COL11A1: variants seen among roughly 807,000 people sequenced by gnomAD.
COL11A1 encodes the protein collagen alpha-1(XI) chain.
A neutral mutation model predicts 265.2 loss-of-function variants in COL11A1; 74 were observed. The observed-to-expected ratio is 0.28, with a 90% confidence interval of 0.23 to 0.34. The LOEUF (loss-of-function observed/expected upper bound fraction) is 0.34. Ranked by LOEUF, COL11A1 falls within the 10% of genes least tolerant of loss-of-function variation. The pLI is 1.00. For synonymous variants in COL11A1, 816 were observed against 727.6 expected (o/e 1.12, Z -1.96); for missense variants, 2,165 against 2,263.6 (o/e 0.96, Z 0.88).
At chr1:103,045,640 T>C (rs1421400764) in intron 4 of COL11A1, among the ~76,000 whole-genome samples, 6 of 152,120 alleles carry the variant, frequency 3.9e-5, no homozygotes, top group Non-Finnish European at 5.9e-5. Flanking sequence ...TATTATACTT[T>C]AAGTTTTAGG....
chr1:102,932,817 C>T (rs1657644106), intron 46 of COL11A1, among the ~76,000 whole-genome samples: 1 of 151,906 alleles, frequency 6.6e-6, no homozygotes, highest in East Asian at 1.9e-4. Flanking sequence ...CTCTAAACTT[C>T]CCTTCTTGCT....
chr1:103,018,029 A>AAAGAC (rs1666704706), intron 10 of COL11A1, 147 bp from the exon 11 acceptor site: 1 of 743,826 alleles, frequency 1.3e-6, no homozygotes, highest in African/African-American at 1.8e-5. Flanking sequence ...CTTCCTGTGA[A>AAAGAC]AAGACAACAT....
At position 103,092,343 on chromosome 1, in the gene COL11A1, GA is replaced by G. The variant is rs200733179; in HGVS notation, c.107-9372del. Among the ~76,000 whole-genome samples the G allele has an allele frequency of 6.7e-3, 1,020 of 152,136 alleles. 9 individuals are homozygous for G. The highest frequency in any genetic ancestry group is 0.024 in the African/African-American group (978 of 41,532). ...AGGCTAAAAATATCAAAAACATTAA[GA>G]AAAAGTTAAGTATGTCATGAATGCA... is the stretch of plus-strand genomic sequence containing the variant. On this transcript the variant is annotated intron_variant, in intron 1 of 66. Coordinates refer to ENST00000370096, the MANE Select transcript of COL11A1 (RefSeq NM_001854.4).
chr1:102,988,361 T>C (rs1427580310), intron 29 of COL11A1, among the ~76,000 whole-genome samples: 1 of 152,172 alleles, frequency 6.6e-6, no homozygotes, highest in African/African-American at 2.4e-5. Context: ...CTCCAAATTT[T>C]TGTGGAGGCT....
At chr1:102,890,741 G>T (rs1651664618) in intron 57 of COL11A1, among the ~76,000 whole-genome samples, 1 of 152,024 alleles carries the variant, frequency 6.6e-6, no homozygotes, top group Admixed American at 6.6e-5. Flanking sequence ...GTTAGAAATA[G>T]AACATGGTTA....
chr1:102,946,204 C>T (rs1244107788), intron 42 of COL11A1, among the ~76,000 whole-genome samples: 18 of 138,954 alleles, frequency 1.3e-4, no homozygotes, highest in Non-Finnish European at 1.1e-4. Context: ...GGAGGGATAG[C>T]ATTAGGAGAT....
At chr1:103,042,811 C>T (rs949532505) in intron 4 of COL11A1, among the ~76,000 whole-genome samples, 5 of 151,622 alleles carry the variant, frequency 3.3e-5, no homozygotes. Context: ...CTGAAACTAC[C>T]TGAAGAGAGT....
intron 42 of COL11A1, 40 bp downstream of exon 42, chr1:102,946,809 G>A: frequency 6.8e-7 from 1 of 1,460,474 alleles, no homozygotes; most frequent in Non-Finnish European, 9.6e-7. Flanking sequence ...AACGTGTACA[G>A]GGTAGCAGCA....
intron 5 of COL11A1, among the ~76,000 whole-genome samples, chr1:103,028,618 G>A (rs1365110375): frequency 2.6e-5 from 4 of 151,896 alleles, no homozygotes; most frequent in Non-Finnish European, 4.4e-5. Flanking sequence ...CAACTTTGTC[G>A]GTATTCTAAC....
chr1:103,002,688 A>C lies in COL11A1; in HGVS notation c.2043+59T>G, dbSNP rs1045225786. On this transcript the variant is annotated intron_variant, in intron 22 of 66. Transcript: ENST00000370096. Reference sequence around the variant, plus strand: ...TTATATTTTAGATTTAACAACAAAAAATGGTTTCTTAGGGCTTATATTCAA... The same window carrying C: ...TTATATTTTAGATTTAACAACAAAACATGGTTTCTTAGGGCTTATATTCAA... The C allele has an allele frequency of 3.5e-6, 5 of 1,437,696 alleles. No individual in the cohort carries two copies. The African/African-American group carries it at 7.0e-5, about 20-fold the overall frequency. The allele number at this position is 1,437,696 out of a possible 1,614,324, so 89.1% of individuals were successfully genotyped here.
intron 49 of COL11A1, among the ~76,000 whole-genome samples, chr1:102,916,430 A>G (rs1261689): frequency 0.84 from 127,849 of 151,970 alleles, 55,126 homozygotes; most frequent in East Asian, 1. Context: ...AAGTAAAACA[A>G]TACATTCATT....
chr1:103,090,312 G>A (rs1470528543), intron 1 of COL11A1, among the ~76,000 whole-genome samples: 1 of 152,152 alleles, frequency 6.6e-6, no homozygotes, highest in Non-Finnish European at 1.5e-5. Flanking sequence ...ACAGAAGAAA[G>A]TTCTCAGCCA....
intron 65 of COL11A1, 89 bp downstream of exon 65, chr1:102,881,608 A>G: frequency 1.9e-6 from 2 of 1,050,484 alleles, no homozygotes; most frequent in East Asian, 5.0e-5. Context: ...CATAATTTAG[A>G]CTTTCACTGT....
rs6691654 is a variant in COL11A1 at position 103,107,991 on chromosome 1, G to A, written c.106+82C>T. ...TTTTTTTTTTCTTGAAGAGCGGGGA[G>A]GAAGGGTAAAGTGGGGGGAGGGGCG... On this transcript the variant is annotated intron_variant, in intron 1 of 66. Coordinates refer to ENST00000370096, the MANE Select transcript of COL11A1 (RefSeq NM_001854.4). 870,666 of 901,942 alleles carry A rather than the reference G, an allele frequency of 0.97. 424,945 individuals carry two copies. Among genetic ancestry groups the A allele is most frequent in the East Asian group, 1 (40,145 of 40,194 alleles). The allele number at this position is 901,942 out of a possible 1,614,324, so 55.9% of individuals were successfully genotyped here.
chr1:102,965,911 C>T (rs1158667251), intron 37 of COL11A1, among the ~76,000 whole-genome samples: 1 of 152,092 alleles, frequency 6.6e-6, no homozygotes, highest in Admixed American at 6.5e-5. Flanking sequence ...ATTGTTTATA[C>T]AAAGGTAAAT....
At chr1:102,932,698 G>T (rs1218533608) in intron 46 of COL11A1, among the ~76,000 whole-genome samples, 1 of 151,712 alleles carries the variant, frequency 6.6e-6, no homozygotes, top group Non-Finnish European at 1.5e-5. Context: ...TTCCAACTTG[G>T]TTCCATTCTC....
chr1:102,935,536 A>T (rs1658049079), intron 44 of COL11A1, among the ~76,000 whole-genome samples: 1 of 152,240 alleles, frequency 6.6e-6, no homozygotes, highest in Non-Finnish European at 1.5e-5. Context: ...GGTTCTATAC[A>T]GATAGAATGT....
At chr1:102,892,722 T>C (rs962453) in intron 57 of COL11A1, among the ~76,000 whole-genome samples, 18,351 of 152,172 alleles carry the variant, frequency 0.12, 2,548 homozygotes, top group African/African-American at 0.34. Flanking sequence ...AATGGTATTT[T>C]AGACTATTAT....
At chr1:102,970,124 G>C in intron 37 of COL11A1, 95 bp downstream of exon 37, 1 of 882,456 alleles carries the variant, frequency 1.1e-6, no homozygotes. Flanking sequence ...TCTCAACCTA[G>C]TAATTGAAAT....
Sources: allele counts gnomAD v4.1 joint callset (sites outside exome capture counted in the v4.1 genomes callset), GRCh38; gene constraint gnomAD v4.1.1; transcripts MANE v1.5; gene names NCBI Gene and HGNC (gene_info 2026-07-23, HGNC 2026-07-21).